The following SMIM5 variants were observed in gnomAD, a reference collection of about 807,000 sequenced individuals.
The protein encoded by SMIM5 is small integral membrane protein 5.
In SMIM5, 4 loss-of-function variants were observed where a neutral mutation model predicts 4.0. That is an observed-to-expected ratio of 1.01 (90% CI 0.50 to 2.30). The LOEUF is 2.30. Ranked by LOEUF, SMIM5 falls within the 30% of genes most tolerant of loss-of-function variation. The pLI, the probability that SMIM5 is intolerant of heterozygous loss-of-function variation, is 0.02. For missense variants in SMIM5, 107 were observed against 99.2 expected (o/e 1.08, Z -0.34); for synonymous variants, 46 against 43.6 (o/e 1.05, Z -0.22).
At position 75,639,911 on chromosome 17, in the gene SMIM5, C is replaced by T. The variant is rs2059401405; in HGVS notation, c.-36-255C>T. 8.8e-6 allele frequency: 3 copies of T among 340,508 alleles called. No individual in the cohort carries two copies. The South Asian group carries it at 1.9e-4, about 21-fold the overall frequency. 21.1% of individuals were successfully genotyped at this position (340,508 alleles called of 1,614,324 possible). A position where few individuals can be genotyped will look rare whatever the true frequency, so the allele number is the denominator to read the frequency against. On this transcript the variant is annotated intron_variant, in intron 1 of 2. Transcript: ENST00000375215. ...GAACAGCGAAGCCAGAAACCACCACCAGCCGCCGCCTTGGCCGGCAGCCCC... is the reference window on the plus strand; with the variant it reads ...GAACAGCGAAGCCAGAAACCACCACTAGCCGCCGCCTTGGCCGGCAGCCCC...
rs945773506 is a variant in SMIM5 at position 75,633,504 on chromosome 17, C to T, written c.-735C>T. ...CCTTGCCGGGCGCGCAGGCCACTCC[C>T]AGGTCACTCAGGATTCCAAGTTCTC... On this transcript the variant is annotated 5_prime_UTR_variant, in exon 1 of 3. An upstream open reading frame in the 5' UTR gains an earlier in-frame stop. Coordinates refer to ENST00000375215, the MANE Select transcript of SMIM5 (RefSeq NM_001162995.3). 1.6e-6 allele frequency: 2 copies of T among 1,288,540 alleles called. No individual in the cohort carries two copies. The highest frequency in any genetic ancestry group is 3.0e-5 in the African/African-American group (2 of 65,846). The allele number at this position is 1,288,540 out of a possible 1,614,324, so 79.8% of individuals were successfully genotyped here.
Position 75,640,882 on chromosome 17 carries a change from G to T in SMIM5, c.219G>T (p.Gln73His). 6.5e-7 allele frequency: 1 copy of T among 1,545,964 alleles called. No homozygotes were observed. The change falls in exon 3 of 3, where the codon CAG (glutamine) becomes CAT (histidine). Residue 73 changes from glutamine to histidine, a missense_variant. Gln to His is a conservative substitution (Grantham distance 24). Coordinates refer to ENST00000375215, the MANE Select transcript of SMIM5 (RefSeq NM_001162995.3). This position sits in a 1 kb window ranked among gnomAD's most constrained non-coding sequence, Gnocchi z 4.6. The part of the protein sequence containing the change: ...PERRGRKVQV[Q>H]PTPP The stretch of plus-strand genomic sequence containing the variant: ...GGAGAGGCAGGAAGGTCCAGGTGCA[G>T]CCGACACCACCATGACGGACGGGCG...
In SMIM5 at chr17:75,640,169, C is replaced by A; in HGVS notation, c.-33C>A. The A allele has an allele frequency of 6.6e-7, 1 of 1,526,110 alleles. No individual in the cohort carries two copies. Among genetic ancestry groups the A allele is most frequent in the South Asian group, 1.2e-5 (1 of 81,312 alleles). The allele number at this position is 1,526,110 out of a possible 1,614,324, so 94.5% of individuals were successfully genotyped here. A position where few individuals can be genotyped will look rare whatever the true frequency, so the allele number is the denominator to read the frequency against. ...GGTGTTCTCTCTGCCCCAGCAGAGCCCGGCAGGAGCCCCAACAGGAAGCCA... is the reference window on the plus strand; with the variant it reads ...GGTGTTCTCTCTGCCCCAGCAGAGCACGGCAGGAGCCCCAACAGGAAGCCA... On this transcript the variant is annotated 5_prime_UTR_variant, in exon 2 of 3. Transcript: ENST00000375215. The surrounding 1 kb of genome is among the most constrained non-coding windows in gnomAD (Gnocchi z 4.6).
intron 1 of SMIM5, chr17:75,637,536 C>G (rs916711334): frequency 4.6e-5 from 7 of 152,358 alleles, no homozygotes; most frequent in Admixed American, 4.6e-4. Context: ...CCTGCTCCAC[C>G]TGGCCAGAGA....
chr17:75,633,886 G>C lies in SMIM5; in HGVS notation c.-353G>C. 1 of 992,146 alleles carries C rather than the reference G, an allele frequency of 1.0e-6. No individual in the cohort carries two copies. The highest frequency in any genetic ancestry group is 1.2e-6 in the Non-Finnish European group (1 of 833,392). The allele number at this position is 992,146 out of a possible 1,614,324, so 61.5% of individuals were successfully genotyped here. On this transcript the variant is annotated 5_prime_UTR_variant, in exon 1 of 3. Transcript: ENST00000375215. ...CGGGGAGAGGGAGAGGAGGAGGAAG[G>C]AGGAGGAGAGAGGGAGCTTGTCTTG...
chr17:75,640,672 C>A lies in SMIM5; in HGVS notation c.128-119C>A. On this transcript the variant is annotated intron_variant, in intron 2 of 2. Coordinates refer to ENST00000375215, the MANE Select transcript of SMIM5 (RefSeq NM_001162995.3). This position sits in a 1 kb window ranked among gnomAD's most constrained non-coding sequence, Gnocchi z 4.6. The stretch of plus-strand genomic sequence containing the variant: ...CCTCTCACCAGCCTCTCGGATCTTT[C>A]TGACCTCCACCAAACCTGTGGGGGA... 6.8e-7 allele frequency: 1 copy of A among 1,475,602 alleles called. No homozygotes were observed. The highest frequency in any genetic ancestry group is 9.0e-7 in the Non-Finnish European group (1 of 1,109,912). 91.4% of individuals were successfully genotyped at this position (1,475,602 alleles called of 1,614,324 possible).
chr17:75,634,337 G>C, intron 1 of SMIM5, 135 bp downstream of exon 1: 1 of 854,438 alleles, frequency 1.2e-6, no homozygotes. Context: ...CTTCCCTGCA[G>C]GGAAGTCAGC....
In SMIM5 at chr17:75,634,196, C is replaced by T. The variant is rs1454249739; in HGVS notation, c.-43C>T. 4 of 985,428 alleles carry T rather than the reference C, an allele frequency of 4.1e-6. No individual in the cohort carries two copies. The East Asian group carries it at 4.5e-4, about 112-fold the overall frequency. 61.0% of individuals were successfully genotyped at this position (985,428 alleles called of 1,614,324 possible). A position where few individuals can be genotyped will look rare whatever the true frequency, so the allele number is the denominator to read the frequency against. ...TGCTGCTCAGCCCCCAACACCTGAG[C>T]TCCCAGGTGAGTGGCAATGGCCACA... On this transcript the variant is annotated 5_prime_UTR_variant, in exon 1 of 3. Transcript: ENST00000375215.
chr17:75,633,883 AAGG>A lies in SMIM5; in HGVS notation c.-347_-345del, dbSNP rs1049906208. The A allele has an allele frequency of 5.0e-6, 5 of 992,560 alleles. No homozygotes were observed. Among genetic ancestry groups the A allele is most frequent in the Non-Finnish European group, 3.6e-6 (3 of 833,750 alleles). The allele number at this position is 992,560 out of a possible 1,614,324, so 61.5% of individuals were successfully genotyped here. ...AGTCGGGGAGAGGGAGAGGAGGAGG[AAGG>A]AGGAGGAGAGAGGGAGCTTGTCTTG... On this transcript the variant is annotated 5_prime_UTR_variant, in exon 1 of 3. Coordinates refer to ENST00000375215, the MANE Select transcript of SMIM5 (RefSeq NM_001162995.3).
intron 1 of SMIM5, chr17:75,637,781 G>A (rs994975018): frequency 6.6e-6 from 1 of 152,302 alleles, no homozygotes; most frequent in Non-Finnish European, 1.5e-5. Flanking sequence ...CTCCTGTACT[G>A]AGCCCACTGC....
chr17:75,633,766 AG>A lies in SMIM5; in HGVS notation c.-471del, dbSNP rs1203114772. Reference sequence around the variant, plus strand: ...CTGCAGGACTCCCCTCCACAGGCTCAGGTGGAGCCTCCCCAGGGTCCTCCTG... The same window carrying A: ...CTGCAGGACTCCCCTCCACAGGCTCAGTGGAGCCTCCCCAGGGTCCTCCTG... On this transcript the variant is annotated 5_prime_UTR_variant, in exon 1 of 3. It introduces an in-frame stop codon into an upstream open reading frame of the 5' UTR. Coordinates refer to ENST00000375215, the MANE Select transcript of SMIM5 (RefSeq NM_001162995.3). 9.8e-7 allele frequency: 1 copy of A among 1,023,096 alleles called. No individual in the cohort carries two copies. The highest frequency in any genetic ancestry group is 1.2e-6 in the Non-Finnish European group (1 of 850,434). The allele number at this position is 1,023,096 out of a possible 1,614,324, so 63.4% of individuals were successfully genotyped here.
rs373406756 is a variant in SMIM5, at chr17:75,640,460, G to C, written c.127+132G>C. 1.3e-4 allele frequency: 182 copies of C among 1,377,664 alleles called. No homozygotes were observed. The African/African-American group carries it at 2.4e-3, about 18-fold the overall frequency. 85.3% of individuals were successfully genotyped at this position (1,377,664 alleles called of 1,614,324 possible). ...AAGGAGGAAAACCAGTTGTCCCTTG[G>C]GGGAAGCCAAGGGACTTCCCTCATC... On this transcript the variant is annotated intron_variant, in intron 2 of 2. Coordinates refer to ENST00000375215, the MANE Select transcript of SMIM5 (RefSeq NM_001162995.3). This position sits in a 1 kb window ranked among gnomAD's most constrained non-coding sequence, Gnocchi z 4.6.
Position 75,633,856 on chromosome 17 carries a change from GGAGTCGGGGA to G in SMIM5, c.-379_-370del. The G allele has an allele frequency of 9.0e-6, 9 of 996,168 alleles. No homozygotes were observed. Among genetic ancestry groups the G allele is most frequent in the Non-Finnish European group, 1.1e-5 (9 of 835,568 alleles). 61.7% of individuals were successfully genotyped at this position (996,168 alleles called of 1,614,324 possible). On this transcript the variant is annotated 5_prime_UTR_variant, in exon 1 of 3. An upstream open reading frame in the 5' UTR gains an earlier in-frame stop. Coordinates refer to ENST00000375215, the MANE Select transcript of SMIM5 (RefSeq NM_001162995.3). ...CAACCCAGGCCCAGCCCACGGCGTGGGAGTCGGGGAGAGGGAGAGGAGGAGGAAGGAGGAG... is the reference window on the plus strand; with the variant it reads ...CAACCCAGGCCCAGCCCACGGCGTGGGAGGGAGAGGAGGAGGAAGGAGGAG...
chr17:75,640,159 C>T lies in SMIM5; in HGVS notation c.-36-7C>T. 6.6e-7 allele frequency: 1 copy of T among 1,515,130 alleles called. No homozygotes were observed. The allele number at this position is 1,515,130 out of a possible 1,614,324, so 93.9% of individuals were successfully genotyped here. A position where few individuals can be genotyped will look rare whatever the true frequency, so the allele number is the denominator to read the frequency against. On this transcript the variant is annotated splice_polypyrimidine_tract_variant and splice_region_variant and intron_variant, in intron 1 of 2. Coordinates refer to ENST00000375215, the MANE Select transcript of SMIM5 (RefSeq NM_001162995.3). This position sits in a 1 kb window ranked among gnomAD's most constrained non-coding sequence, Gnocchi z 4.6. Reference sequence around the variant, plus strand: ...GGAGGCTCCAGGTGTTCTCTCTGCCCCAGCAGAGCCCGGCAGGAGCCCCAA... The same window carrying T: ...GGAGGCTCCAGGTGTTCTCTCTGCCTCAGCAGAGCCCGGCAGGAGCCCCAA...
In SMIM5 at chr17:75,640,276, C is replaced by A; in HGVS notation, c.75C>A (p.Pro25=). ...TGCTGCTCAAGCTGCAGAGACTGCC[C>A]CAGGCTGAGCCCGTGGAGATCGTGG... The part of the protein sequence containing the change: ...ERLLLKLQRL[P]QAEPVEIVAF... The change falls in exon 2 of 3, where the codon CCC becomes CCA. Residue 25 remains proline, a synonymous_variant. Coordinates refer to ENST00000375215, the MANE Select transcript of SMIM5 (RefSeq NM_001162995.3). This position sits in a 1 kb window ranked among gnomAD's most constrained non-coding sequence, Gnocchi z 4.6. 6.4e-7 allele frequency: 1 copy of A among 1,551,448 alleles called. No homozygotes were observed. The highest frequency in any genetic ancestry group is 8.7e-7 in the Non-Finnish European group (1 of 1,146,902).
At position 75,640,091 on chromosome 17, in the gene SMIM5, G is replaced by A. The variant is rs1032752083; in HGVS notation, c.-36-75G>A. The stretch of plus-strand genomic sequence containing the variant: ...TGTTCTGCGGGCTGCGGATGGGTGC[G>A]AGGGTGGAATCTCGGTGCTGCGACG... On this transcript the variant is annotated intron_variant, in intron 1 of 2. Coordinates refer to ENST00000375215, the MANE Select transcript of SMIM5 (RefSeq NM_001162995.3). This position sits in a 1 kb window ranked among gnomAD's most constrained non-coding sequence, Gnocchi z 4.6. 4.6e-5 allele frequency: 65 copies of A among 1,401,908 alleles called. 1 individual carries two copies. Among genetic ancestry groups the A allele is most frequent in the Middle Eastern group, 2.6e-4 (1 of 3,848 alleles). 86.8% of individuals were successfully genotyped at this position (1,401,908 alleles called of 1,614,324 possible). A position where few individuals can be genotyped will look rare whatever the true frequency, so the allele number is the denominator to read the frequency against.
In SMIM5 at chr17:75,640,800, T is replaced by C. The variant is rs1413544504; in HGVS notation, c.137T>C (p.Leu46Pro). ...TCTCCCGGCCCTCCAGCTACTGTTC[T>C]GCTGTTGCTGCTGATAGCCTGCAGC... Reference protein sequence around the residue: ...SVIILFTATVLLLLLIACSCC... With the variant: ...SVIILFTATVPLLLLIACSCC... Residue 46 changes from leucine (L) to proline (P), a missense_variant, in exon 3 of 3, where the codon CTG becomes CCG. Physicochemically the swap from Leu to Pro is moderately conservative, Grantham distance 98 (BLOSUM62 -3). Transcript: ENST00000375215. The surrounding 1 kb of genome is among the most constrained non-coding windows in gnomAD (Gnocchi z 4.6). 6 of 1,550,268 alleles carry C rather than the reference T, an allele frequency of 3.9e-6. No individual in the cohort carries two copies. The African/African-American group carries it at 4.1e-5, about 11-fold the overall frequency.
rs1286826926 is a variant in SMIM5, at chr17:75,640,318, C to A, written c.117C>A (p.Ile39=). 2.6e-6 allele frequency: 4 copies of A among 1,548,678 alleles called. No homozygotes were observed. The highest frequency in any genetic ancestry group is 3.5e-6 in the Non-Finnish European group (4 of 1,145,432). The change falls in exon 2 of 3, where the codon ATC becomes ATA. Residue 39 remains isoleucine, a synonymous_variant. Transcript: ENST00000375215. This position sits in a 1 kb window ranked among gnomAD's most constrained non-coding sequence, Gnocchi z 4.6. ...PVEIVAFSVI[I]LFTATVLLLL... Reference sequence around the variant, plus strand: ...AGATCGTGGCCTTCTCAGTCATCATCCTTTTCACAGGTTAGTTGGGGCACT... The same window carrying A: ...AGATCGTGGCCTTCTCAGTCATCATACTTTTCACAGGTTAGTTGGGGCACT...
Position 75,640,911 on chromosome 17 carries a change from G to A in SMIM5, c.*14G>A. 3 of 1,541,094 alleles carry A rather than the reference G, an allele frequency of 1.9e-6. No homozygotes were observed. Among genetic ancestry groups the A allele is most frequent in the Non-Finnish European group, 2.6e-6 (3 of 1,146,470 alleles). On this transcript the variant is annotated 3_prime_UTR_variant, in exon 3 of 3. Coordinates refer to ENST00000375215, the MANE Select transcript of SMIM5 (RefSeq NM_001162995.3). This position sits in a 1 kb window ranked among gnomAD's most constrained non-coding sequence, Gnocchi z 4.6. Reference sequence around the variant, plus strand: ...ACACCACCATGACGGACGGGCGATGGCTGAGGAGAAGCTGGAGAGGAGATG... The same window carrying A: ...ACACCACCATGACGGACGGGCGATGACTGAGGAGAAGCTGGAGAGGAGATG...
Sources: gnomAD v4.1 joint callset for allele counts on GRCh38, gnomAD v4.1.1 for gene constraint, Gnocchi (gnomAD v3.1) non-coding constraint, MANE v1.5 for transcripts, NCBI Gene and HGNC (gene_info 2026-07-23, HGNC 2026-07-21) for gene names.